Variants in WDR35 observed in about 807,000 individuals in gnomAD.
WDR35 encodes WD repeat domain 35.
WDR35 carries 118 observed loss-of-function variants against 158.3 expected under a neutral mutation model. The ratio of observed to expected loss-of-function variants is 0.75; its 90% CI spans 0.64 to 0.87. The LOEUF (loss-of-function observed/expected upper bound fraction) is 0.87, where lower values mean the gene tolerates loss of function less well. Ranked by LOEUF, WDR35 falls within the 40% of genes least tolerant of loss-of-function variation. WDR35 has a pLI of 0.00. For missense variants in WDR35, 1,263 were observed against 1,405.8 expected (o/e 0.90, Z 1.62); for synonymous variants, 448 against 476.1 (o/e 0.94, Z 0.77).
At chr2:19,984,374 C>G (rs1200597725) in intron 2 of WDR35, among the ~76,000 whole-genome samples, 1 of 152,038 alleles carries the variant, frequency 6.6e-6, no homozygotes, top group Non-Finnish European at 1.5e-5. Context: ...CGATAATATC[C>G]CAAGATTCCA....
At chr2:19,960,646 C>T in intron 10 of WDR35, 32 bp from the exon 11 acceptor site, 1 of 1,498,752 alleles carries the variant, frequency 6.7e-7, no homozygotes, top group Non-Finnish European at 9.3e-7. Context: ...AGTATCAGAA[C>T]TCCTGCTTAT....
At chr2:19,931,661 G>A (rs1047201188) in intron 23 of WDR35, among the ~76,000 whole-genome samples, 2 of 152,054 alleles carry the variant, frequency 1.3e-5, no homozygotes, top group Non-Finnish European at 2.9e-5. Flanking sequence ...AAAATGAGAG[G>A]TGCTGTTAGA....
chr2:19,950,308 T>A (rs182946198), intron 13 of WDR35, among the ~76,000 whole-genome samples: 2 of 134,946 alleles, frequency 1.5e-5, no homozygotes, highest in Non-Finnish European at 3.3e-5. Flanking sequence ...GATCAAATAA[T>A]ATAAAGACAG....
chr2:19,924,512 C>T lies in WDR35; in HGVS notation c.3121+5884G>A, dbSNP rs374450702. On this transcript the variant is annotated intron_variant, in intron 25 of 26. Coordinates refer to ENST00000281405, the MANE Select transcript of WDR35 (RefSeq NM_020779.4). Reference sequence around the variant, plus strand: ...CCGGGAGGCGGAGCTTGCAGTGAGCCGAGATCGCGCCACTGCACTCCAGGC... The same window carrying T: ...CCGGGAGGCGGAGCTTGCAGTGAGCTGAGATCGCGCCACTGCACTCCAGGC... Among the ~76,000 whole-genome samples, 71 of 152,158 alleles carry T rather than the reference C, an allele frequency of 4.7e-4. 1 individual carries two copies. The East Asian group carries it at 0.011, about 25-fold the overall frequency.
At chr2:19,967,186 T>C (rs962683896) in intron 9 of WDR35, among the ~76,000 whole-genome samples, 1 of 152,178 alleles carries the variant, frequency 6.6e-6, no homozygotes, top group Non-Finnish European at 1.5e-5. Flanking sequence ...TGGTAAAAAT[T>C]TTCAATAATC....
intron 25 of WDR35, among the ~76,000 whole-genome samples, chr2:19,928,795 A>G (rs1002575263): frequency 3.3e-5 from 5 of 151,276 alleles, no homozygotes; most frequent in African/African-American, 4.9e-5. Flanking sequence ...CAATAACTCT[A>G]TGAGGAAGAT....
At chr2:19,975,296 A>G (rs1160445228) in intron 6 of WDR35, among the ~76,000 whole-genome samples, 1 of 152,200 alleles carries the variant, frequency 6.6e-6, no homozygotes, top group African/African-American at 2.4e-5. Flanking sequence ...CCTACCAAAA[A>G]AAATTGGAAC....
At position 19,914,177 on chromosome 2, in the gene WDR35, T is replaced by C. The variant is rs1669923557; in HGVS notation, c.3222A>G (p.Ser1074=). ...AAGATTTAAGTTTAATGAAAGCTTTTGAACAAGTCCCAAAGGCTCTGCTGG... is the reference window on the plus strand; with the variant it reads ...AAGATTTAAGTTTAATGAAAGCTTTCGAACAAGTCCCAAAGGCTCTGCTGG... ...ACASRAFGTC[S]KAFIKLKSLE... is the part of the protein sequence containing the mutation. The change falls in exon 26 of 27, where the codon TCA becomes TCG. Residue 1074 remains serine (S), a synonymous_variant. Coordinates refer to ENST00000281405, the MANE Select transcript of WDR35 (RefSeq NM_020779.4). The C allele has an allele frequency of 6.2e-7, 1 of 1,614,198 alleles. No homozygotes were observed. The highest frequency in any genetic ancestry group is 2.2e-5 in the East Asian group (1 of 44,882).
In WDR35 at chr2:19,935,616, A is replaced by C; in HGVS notation, c.2415-13T>G. 6.2e-7 allele frequency: 1 copy of C among 1,609,838 alleles called. No individual in the cohort carries two copies. Among genetic ancestry groups the C allele is most frequent in the African/African-American group, 1.3e-5 (1 of 74,980 alleles). ...TACAGCATTCAACCTACAGAAAGAA[A>C]AAAGGAAAAACTTTTAAAACTAATG... On this transcript the variant is annotated splice_polypyrimidine_tract_variant and intron_variant, in intron 20 of 26. Coordinates refer to ENST00000281405, the MANE Select transcript of WDR35 (RefSeq NM_020779.4).
rs149092673 is a variant in WDR35 at position 19,923,802 on chromosome 2, A to C, written c.3121+6594T>G. Among the ~76,000 whole-genome samples the C allele has an allele frequency of 2.4e-3, 363 of 152,312 alleles. 3 individuals carry two copies. The East Asian group carries it at 0.032, about 14-fold the overall frequency. On this transcript the variant is annotated intron_variant, in intron 25 of 26. Coordinates refer to ENST00000281405, the MANE Select transcript of WDR35 (RefSeq NM_020779.4). ...AACAACGGGGAAATATTACAGCTAC[A>C]TTTGAGCCTTTTCCTTTTAAATTGC...
chr2:19,936,140 G>A (rs1470068244), intron 20 of WDR35, 79 bp downstream of exon 20: 2 of 1,582,676 alleles, frequency 1.3e-6, no homozygotes, highest in Non-Finnish European at 1.7e-6. Context: ...CATTTCCCCA[G>A]GATTACTTCC....
chr2:19,957,899 C>A (rs1671500186), intron 11 of WDR35, among the ~76,000 whole-genome samples: 1 of 152,108 alleles, frequency 6.6e-6, no homozygotes. Context: ...ATTAACTGAA[C>A]TTTGTAATGC....
chr2:19,931,542 T>C, intron 23 of WDR35, 133 bp from the exon 24 acceptor site: 1 of 939,302 alleles, frequency 1.1e-6, no homozygotes, highest in Non-Finnish European at 1.6e-6. Context: ...AAATATCACC[T>C]ATTTAAGATA....
intron 10 of WDR35, among the ~76,000 whole-genome samples, chr2:19,963,708 T>A (rs1211119888): frequency 6.6e-6 from 1 of 150,430 alleles, no homozygotes; most frequent in Non-Finnish European, 1.5e-5. Context: ...TCTAAAAATG[T>A]CTGTATTCCA....
chr2:19,989,935 A>G (rs1558366837), intron 1 of WDR35, 57 bp downstream of exon 1: 1 of 1,609,278 alleles, frequency 6.2e-7, no homozygotes. Flanking sequence ...AGGCAGCGGG[A>G]ATCGCCGCAG....
chr2:19,957,556 A>ATTT (rs35202505), intron 11 of WDR35, among the ~76,000 whole-genome samples: 14 of 145,622 alleles, frequency 9.6e-5, no homozygotes, highest in African/African-American at 3.5e-4. Context: ...AGGTTATTGG[A>ATTT]TTTTTTTTTT....
chr2:19,943,342 T>C (rs749902151), intron 16 of WDR35, among the ~76,000 whole-genome samples: 2 of 152,092 alleles, frequency 1.3e-5, no homozygotes, highest in East Asian at 1.9e-4. Context: ...ATTTGACACA[T>C]GAGACTTTTA....
At chr2:19,966,635 G>T in intron 10 of WDR35, 89 bp downstream of exon 10, 2 of 1,449,382 alleles carry the variant, frequency 1.4e-6, no homozygotes, top group Non-Finnish European at 1.9e-6. Flanking sequence ...TGATGTACTT[G>T]CCAGTGTAGA....
In WDR35 at chr2:19,969,597, A is replaced by G; in HGVS notation, c.891T>C (p.Gly297=). 6.2e-7 allele frequency: 1 copy of G among 1,613,766 alleles called. No homozygotes were observed. The highest frequency in any genetic ancestry group is 8.5e-7 in the Non-Finnish European group (1 of 1,179,912). Residue 297 remains glycine, a synonymous_variant, in exon 9 of 27, where the codon GGT becomes GGC. Coordinates refer to ENST00000281405, the MANE Select transcript of WDR35 (RefSeq NM_020779.4). ...TTTCCTTTCCAGGAACTTTCAAAGT[A>G]CCCAGATGCTGAAAAAGAAAGTTAT... ...QFYTPFGEHL[G]TLKVPGKEIS... is the part of the protein sequence containing the mutation.
Sources: allele counts gnomAD v4.1 joint callset (sites outside exome capture counted in the v4.1 genomes callset), GRCh38; gene constraint gnomAD v4.1.1; transcripts MANE v1.5; gene names NCBI Gene and HGNC (gene_info 2026-07-23, HGNC 2026-07-21).